PSD2: variants seen among roughly 807,000 people sequenced by gnomAD.
The protein encoded by PSD2 is PH and SEC7 domain-containing protein 2.
Under a neutral mutation model 69.8 loss-of-function variants are expected in PSD2, and 38 were observed. That is an observed-to-expected ratio of 0.54 (90% confidence interval 0.42 to 0.71). PSD2 has a LOEUF of 0.71. PSD2 is among the 30% of genes least tolerant of loss of function. The pLI, the probability that PSD2 is intolerant of heterozygous loss-of-function variation, is 0.00. For missense variants in PSD2, 943 were observed against 1,014.5 expected, an observed-to-expected ratio of 0.93 and a Z score of 0.96; for synonymous variants, 412 against 423.0, an observed-to-expected ratio of 0.97 and a Z score of 0.32.
intron 2 of PSD2, among the ~76,000 whole-genome samples, chr5:139,810,915 C>T (rs1207735364): frequency 1.3e-5 from 2 of 152,032 alleles, no homozygotes; most frequent in East Asian, 1.9e-4. Context: ...TCTTCAAGCT[C>T]CCATCAGGGC....
chr5:139,813,295 C>A lies in PSD2; in HGVS notation c.372-14C>A, dbSNP rs745377712. Reference sequence around the variant, plus strand: ...AGCTTGGCAGGATGGTGACTGGCTCCTTGCATCCCACAGGTTGGATGGTCC... The same window carrying A: ...AGCTTGGCAGGATGGTGACTGGCTCATTGCATCCCACAGGTTGGATGGTCC... On this transcript the variant is annotated splice_polypyrimidine_tract_variant and intron_variant, in intron 2 of 14. Transcript: ENST00000274710. 1 of 1,522,964 alleles carries A rather than the reference C, an allele frequency of 6.6e-7. No individual in the cohort carries two copies. The highest frequency in any genetic ancestry group is 1.4e-5 in the African/African-American group (1 of 72,714). 94.3% of individuals were successfully genotyped at this position (1,522,964 alleles called of 1,614,324 possible). A position where few individuals can be genotyped will look rare whatever the true frequency, so the allele number is the denominator to read the frequency against.
At chr5:139,834,466 CT>C (rs111907193) in intron 8 of PSD2, among the ~76,000 whole-genome samples, 4,277 of 139,802 alleles carry the variant, frequency 0.031, 72 homozygotes, top group African/African-American at 0.047. Context: ...TATTTTTATG[CT>C]TTTTTTTTTT....
chr5:139,751,790 C>CTTTTTT, the PSD2 span, among the ~76,000 whole-genome samples: 3 of 120,414 alleles, frequency 2.5e-5, no homozygotes, highest in Non-Finnish European at 5.2e-5. Context: ...AGGGTCCAGC[C>CTTTTTT]TTTTTTTTTT....
chr5:139,788,617 C>G, the PSD2 span, among the ~76,000 whole-genome samples: 1 of 152,220 alleles, frequency 6.6e-6, no homozygotes, highest in African/African-American at 2.4e-5. Flanking sequence ...CCCATACCAC[C>G]CCGGCCAGTT....
chr5:139,811,325 T>C (rs978941989), intron 2 of PSD2, among the ~76,000 whole-genome samples: 1 of 152,054 alleles, frequency 6.6e-6, no homozygotes, highest in Non-Finnish European at 1.5e-5. Context: ...GACAGAATCT[T>C]AGGCACTGGG....
At chr5:139,806,950 G>A (rs1282051029) in intron 1 of PSD2, among the ~76,000 whole-genome samples, 2 of 152,184 alleles carry the variant, frequency 1.3e-5, no homozygotes, top group African/African-American at 2.4e-5. Flanking sequence ...GGTGTTGGCA[G>A]GCTCCCGCTC....
chr5:139,763,673 C>T, the PSD2 span, among the ~76,000 whole-genome samples: 3 of 152,352 alleles, frequency 2.0e-5, no homozygotes, highest in Middle Eastern at 6.8e-3. Context: ...GGCCAGTCCC[C>T]TCGGCCTGGC....
rs1243710997 is a variant in PSD2 at position 139,814,952 on chromosome 5, C to T, written c.1016+588C>T. Among the ~76,000 whole-genome samples the T allele has an allele frequency of 6.6e-6, 1 of 152,182 alleles. No individual in the cohort carries two copies. Among genetic ancestry groups the T allele is most frequent in the African/African-American group, 2.4e-5 (1 of 41,444 alleles). ...CCGGCACATTCTGCTCACATCTGACCACCAGTGTGACCACCCACCACCTGC... is the reference window on the plus strand; with the variant it reads ...CCGGCACATTCTGCTCACATCTGACTACCAGTGTGACCACCCACCACCTGC... On this transcript the variant is annotated intron_variant, in intron 4 of 14. Transcript: ENST00000274710. The surrounding 1 kb of genome is among the most constrained non-coding windows in gnomAD (Gnocchi z 4.4).
intron 1 of PSD2, among the ~76,000 whole-genome samples, chr5:139,805,371 C>T (rs138100448): frequency 1.4e-4 from 22 of 152,368 alleles, no homozygotes; most frequent in Non-Finnish European, 3.2e-4. Flanking sequence ...CTCTCTTAGC[C>T]TCTGCCACAA....
chr5:139,840,302 A>C, intron 14 of PSD2, 132 bp downstream of exon 14: 1 of 1,010,584 alleles, frequency 9.9e-7, no homozygotes, highest in Non-Finnish European at 1.4e-6. Flanking sequence ...GGGAGGGAAC[A>C]GGGTCCCCTG....
chr5:139,756,732 G>A, the PSD2 span, among the ~76,000 whole-genome samples: 1 of 152,114 alleles, frequency 6.6e-6, no homozygotes, highest in Non-Finnish European at 1.5e-5. Context: ...GAGAGGGGGC[G>A]GGCAAAATCA....
chr5:139,800,719 G>A (rs188191937), intron 1 of PSD2, among the ~76,000 whole-genome samples: 1 of 152,182 alleles, frequency 6.6e-6, no homozygotes. Flanking sequence ...TCACTGCTCT[G>A]CTTTCTTCTG....
intron 8 of PSD2, among the ~76,000 whole-genome samples, chr5:139,835,125 C>T (rs758347767): frequency 4.0e-5 from 6 of 151,678 alleles, no homozygotes; most frequent in Non-Finnish European, 8.8e-5. Flanking sequence ...TTCACTTACC[C>T]GCCAACCCAC....
In PSD2 at chr5:139,814,273, G is replaced by A; in HGVS notation, c.925G>A (p.Gly309Arg). The change falls in exon 4 of 15, where the codon GGG becomes AGG. Residue 309 changes from glycine (G) to arginine (R), a missense_variant. Gly to Arg is a moderately radical substitution (Grantham distance 125). Around this residue, in one of 3 missense-constraint regions of PSD2, gnomAD observed 466 missense variants for 445.0 expected, o/e 1.05. Transcript: ENST00000274710. The surrounding 1 kb of genome is among the most constrained non-coding windows in gnomAD (Gnocchi z 4.4). ...SADPLANGCQGVSEAAHRLAR... is the reference protein window; with the variant it reads ...SADPLANGCQRVSEAAHRLAR... The stretch of plus-strand genomic sequence containing the variant: ...AGACCCTCTGGCCAACGGGTGCCAG[G>A]GGGTCAGTGAAGCTGCTCATCGGCT... 6.2e-7 allele frequency: 1 copy of A among 1,613,762 alleles called. No individual in the cohort carries two copies. Among genetic ancestry groups the A allele is most frequent in the Non-Finnish European group, 8.5e-7 (1 of 1,179,814 alleles).
At chr5:139,781,319 A>T in the PSD2 span, among the ~76,000 whole-genome samples, 3 of 151,302 alleles carry the variant, frequency 2.0e-5, no homozygotes, top group Non-Finnish European at 4.4e-5. Context: ...TCAGGACAGC[A>T]TTCATCACAT....
the PSD2 span, among the ~76,000 whole-genome samples, chr5:139,754,112 A>G: frequency 6.6e-6 from 1 of 152,190 alleles, no homozygotes. Flanking sequence ...CTGGGATTAC[A>G]GGCATGAGCC....
the PSD2 span, among the ~76,000 whole-genome samples, chr5:139,773,329 C>T: frequency 6.6e-6 from 1 of 152,156 alleles, no homozygotes; most frequent in Non-Finnish European, 1.5e-5. Context: ...GTGGCACAAT[C>T]ATAGCTCACT....
the PSD2 span, among the ~76,000 whole-genome samples, chr5:139,782,228 G>A: frequency 6.6e-6 from 1 of 152,184 alleles, no homozygotes; most frequent in Non-Finnish European, 1.5e-5. Flanking sequence ...TTGTTGCCCA[G>A]GCTGGAGTGC....
chr5:139,824,422 A>C (rs1215671848), intron 7 of PSD2, among the ~76,000 whole-genome samples: 14 of 107,804 alleles, frequency 1.3e-4, no homozygotes, highest in Non-Finnish European at 2.3e-4. Flanking sequence ...TTTGAGACGG[A>C]GTCTCACTCT....
Sources: allele counts gnomAD v4.1 joint callset (sites outside exome capture counted in the v4.1 genomes callset), GRCh38; gene constraint gnomAD v4.1.1; regional missense constraint gnomAD v4.1.1; non-coding constraint Gnocchi (gnomAD v3.1); transcripts MANE v1.5; gene names NCBI Gene and HGNC (gene_info 2026-07-23, HGNC 2026-07-21).